The following RANBP2 variants were observed in gnomAD, a reference collection of about 807,000 sequenced individuals.
The protein encoded by RANBP2 is RAN binding protein 2, also known as E3 SUMO-protein ligase RanBP2.
A neutral mutation model predicts 303.6 loss-of-function variants in RANBP2; 57 were observed. That is an observed-to-expected ratio of 0.19 (90% CI 0.15 to 0.23). The LOEUF is 0.23. Ranked by LOEUF, RANBP2 falls within the 10% of genes least tolerant of loss-of-function variation. The pLI is 1.00. For missense variants in RANBP2, 3,138 were observed against 3,780.8 expected (o/e 0.83, Z 4.46); for synonymous variants, 1,167 against 1,301.5 (o/e 0.90, Z 2.23).
the RANBP2 span, among the ~76,000 whole-genome samples, chr2:108,973,593 C>T: frequency 6.6e-6 from 1 of 152,098 alleles, no homozygotes; most frequent in Non-Finnish European, 1.5e-5. Flanking sequence ...TGACTTCTTC[C>T]CTCATCTGCA....
chr2:109,228,365 A>C, the RANBP2 span, among the ~76,000 whole-genome samples: 1 of 152,124 alleles, frequency 6.6e-6, no homozygotes, highest in Non-Finnish European at 1.5e-5. Flanking sequence ...TGTGTGTTCT[A>C]TTTCCACATG....
At chr2:109,188,349 C>G in the RANBP2 span, among the ~76,000 whole-genome samples, 1 of 152,214 alleles carries the variant, frequency 6.6e-6, no homozygotes, top group Non-Finnish European at 1.5e-5. Flanking sequence ...TTGGTCCTGT[C>G]TTCCTCACAG....
chr2:109,505,159 C>T, the RANBP2 span, among the ~76,000 whole-genome samples: 4 of 152,202 alleles, frequency 2.6e-5, no homozygotes, highest in Admixed American at 2.6e-4. Flanking sequence ...GGAATCCCAC[C>T]AACAGAAGAG....
chr2:109,312,028 C>T, the RANBP2 span, among the ~76,000 whole-genome samples: 1 of 128,786 alleles, frequency 7.8e-6, no homozygotes, highest in Non-Finnish European at 1.6e-5. Flanking sequence ...CTGACTTGAG[C>T]GTTGTGGCCG....
At chr2:108,793,845 G>A in the RANBP2 span, among the ~76,000 whole-genome samples, 2 of 151,466 alleles carry the variant, frequency 1.3e-5, no homozygotes, top group East Asian at 3.9e-4. Flanking sequence ...CTCATGATCC[G>A]CCCGCCTCGG....
the RANBP2 span, chr2:108,885,370 G>A: frequency 1.3e-5 from 2 of 152,168 alleles, no homozygotes; most frequent in African/African-American, 2.4e-5. Flanking sequence ...TGAGATGATT[G>A]TTATTTCATT....
intron 23 of RANBP2, among the ~76,000 whole-genome samples, chr2:108,773,666 G>A (rs112954390): frequency 0.042 from 6,362 of 150,992 alleles, 449 homozygotes; most frequent in African/African-American, 0.14. Flanking sequence ...TTTTTGGGGG[G>A]GGATGGAGTT....
At chr2:109,210,171 A>G in the RANBP2 span, among the ~76,000 whole-genome samples, 1 of 152,178 alleles carries the variant, frequency 6.6e-6, no homozygotes, top group African/African-American at 2.4e-5. Context: ...ATTCCATTGT[A>G]TGGCTAGACC....
chr2:108,816,939 C>T, the RANBP2 span, among the ~76,000 whole-genome samples: 1 of 152,194 alleles, frequency 6.6e-6, no homozygotes, highest in Non-Finnish European at 1.5e-5. Flanking sequence ...TCAAGCATTC[C>T]TCCTGCCTTG....
the RANBP2 span, among the ~76,000 whole-genome samples, chr2:109,722,298 G>T: frequency 6.6e-6 from 1 of 152,138 alleles, no homozygotes; most frequent in African/African-American, 2.4e-5. Context: ...ACTAAGACCT[G>T]CTGGCCACAG....
chr2:109,042,836 C>T, the RANBP2 span, among the ~76,000 whole-genome samples: 1 of 152,120 alleles, frequency 6.6e-6, no homozygotes. Context: ...ATCCAATGGT[C>T]TTATTCTACT....
chr2:108,840,427 G>A, the RANBP2 span, among the ~76,000 whole-genome samples: 1 of 152,088 alleles, frequency 6.6e-6, no homozygotes, highest in Admixed American at 6.6e-5. Context: ...TTAAACATTT[G>A]GTAGAATTCT....
the RANBP2 span, among the ~76,000 whole-genome samples, chr2:109,223,459 C>T: frequency 2.3e-4 from 35 of 152,344 alleles, no homozygotes; most frequent in African/African-American, 7.9e-4. Flanking sequence ...CATTGTCCCC[C>T]TTTGGGAGTG....
At chr2:108,843,067 C>T in the RANBP2 span, among the ~76,000 whole-genome samples, 1 of 152,002 alleles carries the variant, frequency 6.6e-6, no homozygotes, top group South Asian at 2.1e-4. Flanking sequence ...TTACTATGTT[C>T]TTCTCTCCTT....
At chr2:109,542,864 C>G in the RANBP2 span, 2 of 152,390 alleles carry the variant, frequency 1.3e-5, no homozygotes, top group East Asian at 3.8e-4. Context: ...CTGACACAGA[C>G]TAATAAGTTT....
chr2:108,727,059 C>T (rs962543927), intron 1 of RANBP2, among the ~76,000 whole-genome samples: 21 of 152,098 alleles, frequency 1.4e-4, no homozygotes, highest in African/African-American at 2.9e-4. Context: ...GGCAACCATC[C>T]GATTTCTCAA....
the RANBP2 span, among the ~76,000 whole-genome samples, chr2:109,396,302 T>G: frequency 6.6e-6 from 1 of 152,182 alleles, no homozygotes; most frequent in African/African-American, 2.4e-5. Flanking sequence ...TGAGCCTGGT[T>G]GGAGGAAACA....
the RANBP2 span, among the ~76,000 whole-genome samples, chr2:109,358,763 G>A: frequency 5.3e-4 from 81 of 152,190 alleles, no homozygotes; most frequent in African/African-American, 1.8e-3. Flanking sequence ...AGTATCTTTT[G>A]CAGAGTACAA....
chr2:109,206,066 G>T, the RANBP2 span, among the ~76,000 whole-genome samples: 1 of 152,142 alleles, frequency 6.6e-6, no homozygotes, highest in Non-Finnish European at 1.5e-5. Context: ...TCCAGCCTCC[G>T]CGGTGGGCAT....
Sources: gnomAD v4.1 joint callset for allele counts (sites outside exome capture counted in the v4.1 genomes callset) on GRCh38, gnomAD v4.1.1 for gene constraint, MANE v1.5 for transcripts, NCBI Gene and HGNC (gene_info 2026-07-23, HGNC 2026-07-21) for gene names.